INSL6: variants seen among roughly 807,000 people sequenced by gnomAD.
The protein encoded by INSL6 is insulin-like peptide INSL6.
In INSL6, 16 loss-of-function variants were observed where a neutral mutation model predicts 9.4. That is an observed-to-expected ratio of 1.70 (90% CI 1.15 to 2.59). The LOEUF (loss-of-function observed/expected upper bound fraction) is 2.59. INSL6 is among the 30% of genes most tolerant of loss of function. The probability of loss-of-function intolerance (pLI) is 0.00; values close to 1 mark genes in which losing one functional copy is unlikely to be tolerated. For missense variants in INSL6, 391 were observed against 257.3 expected, an observed-to-expected ratio of 1.52 and a Z score of -3.56; for synonymous variants, 154 against 96.9, an observed-to-expected ratio of 1.59 and a Z score of -3.46.
the INSL6 span, among the ~76,000 whole-genome samples, chr9:5,089,182 A>G: frequency 6.6e-6 from 1 of 152,202 alleles, no homozygotes; most frequent in East Asian, 1.9e-4. Context: ...TTACAGATTT[A>G]CTACCCACCT....
the INSL6 span, chr9:5,090,675 G>T: frequency 3.9e-6 from 6 of 1,539,276 alleles, no homozygotes; most frequent in Non-Finnish European, 5.2e-6. Context: ...AATATATAGG[G>T]TTAAGACCAT....
At chr9:5,118,916 T>C (rs2130837503), downstream of INSL6, among the ~76,000 whole-genome samples, 1 of 152,332 alleles carries the variant, frequency 6.6e-6, no homozygotes, top group African/African-American at 2.4e-5. Flanking sequence ...GGTTCATCTG[T>C]TTTCTCAATT....
chr9:5,175,070 G>C (rs1329880372), intron 1 of INSL6, among the ~76,000 whole-genome samples: 1 of 151,916 alleles, frequency 6.6e-6, no homozygotes, highest in Non-Finnish European at 1.5e-5. Context: ...CTCCCGAGTA[G>C]CTGGGACTAC....
chr9:5,135,000 G>C (rs1365355324), intron 2 of INSL6, among the ~76,000 whole-genome samples: 2 of 152,128 alleles, frequency 1.3e-5, no homozygotes, highest in African/African-American at 4.8e-5. Context: ...CATTTACCAA[G>C]CAAATGGAAA....
chr9:5,043,699 G>A, the INSL6 span, among the ~76,000 whole-genome samples: 1 of 152,184 alleles, frequency 6.6e-6, no homozygotes, highest in Non-Finnish European at 1.5e-5. Context: ...AAACCCAAAT[G>A]TCTGTCAGGC....
chr9:5,062,500 T>TA, the INSL6 span, among the ~76,000 whole-genome samples: 8,533 of 57,028 alleles, frequency 0.15, 1,620 homozygotes, highest in Non-Finnish European at 0.19. Flanking sequence ...CTTCCATTTG[T>TA]AAAAAAAAAA....
the INSL6 span, among the ~76,000 whole-genome samples, chr9:4,996,279 T>C: frequency 6.6e-6 from 1 of 152,146 alleles, no homozygotes; most frequent in African/African-American, 2.4e-5. Context: ...TGAAACCCTG[T>C]CTCTACTAAA....
chr9:5,036,510 T>C, the INSL6 span, among the ~76,000 whole-genome samples: 1 of 152,204 alleles, frequency 6.6e-6, no homozygotes. Flanking sequence ...AACAGCATGG[T>C]ACTGGTATCA....
chr9:5,119,117 C>T (rs1823424241), downstream of INSL6, among the ~76,000 whole-genome samples: 1 of 152,078 alleles, frequency 6.6e-6, no homozygotes. Flanking sequence ...TCTCAGCTAC[C>T]TCAAAGGTTG....
At chr9:5,076,367 ATTT>A in the INSL6 span, among the ~76,000 whole-genome samples, 1 of 152,150 alleles carries the variant, frequency 6.6e-6, no homozygotes, top group Non-Finnish European at 1.5e-5. Context: ...TTGTTGTCTT[ATTT>A]TAAGAAACTG....
chr9:5,058,883 G>T, the INSL6 span, among the ~76,000 whole-genome samples: 5 of 151,414 alleles, frequency 3.3e-5, no homozygotes, highest in African/African-American at 9.7e-5. Context: ...TTTTAATCAG[G>T]TTTTTTTTGC....
chr9:5,117,059 T>C, the INSL6 span, among the ~76,000 whole-genome samples: 1 of 152,206 alleles, frequency 6.6e-6, no homozygotes, highest in African/African-American at 2.4e-5. Context: ...GCCTTTCCAC[T>C]TTCATCCATG....
chr9:5,134,360 C>A (rs373551191), intron 2 of INSL6, among the ~76,000 whole-genome samples: 1 of 152,212 alleles, frequency 6.6e-6, no homozygotes, highest in African/African-American at 2.4e-5. Context: ...AGATACTCCT[C>A]GAGAAGAGCA....
chr9:5,141,445 AATG>A (rs746859648), intron 2 of INSL6, among the ~76,000 whole-genome samples: 50 of 152,136 alleles, frequency 3.3e-4, no homozygotes, highest in Non-Finnish European at 5.9e-5. Context: ...ACGTTTCTCT[AATG>A]ATCAGTGATG....
chr9:5,093,846 T>G, the INSL6 span, among the ~76,000 whole-genome samples: 1 of 152,162 alleles, frequency 6.6e-6, no homozygotes, highest in Non-Finnish European at 1.5e-5. Context: ...ATTCAATGAT[T>G]AAAGTCCTAT....
the INSL6 span, chr9:5,041,042 G>A: frequency 4.4e-6 from 3 of 680,468 alleles, no homozygotes; most frequent in Non-Finnish European, 8.0e-6. Context: ...TCTACAAGCA[G>A]CTCAGCGCCA....
At chr9:5,038,848 TA>T in the INSL6 span, among the ~76,000 whole-genome samples, 4 of 152,040 alleles carry the variant, frequency 2.6e-5, no homozygotes, top group Admixed American at 2.0e-4. Flanking sequence ...AAGGCTAGTG[TA>T]ACTTCCAAAA....
intron 3 of INSL6, chr9:5,132,722 C>G (rs1389249887): frequency 6.6e-6 from 1 of 152,068 alleles, no homozygotes; most frequent in Non-Finnish European, 1.5e-5. Flanking sequence ...TGATAAAGTC[C>G]TAAATCTTGT....
the INSL6 span, chr9:5,098,134 A>G: frequency 6.6e-6 from 1 of 152,340 alleles, no homozygotes; most frequent in South Asian, 2.1e-4. Context: ...CTAGTAATTT[A>G]GAGTGACTTT....
Sources: allele counts gnomAD v4.1 joint callset (sites outside exome capture counted in the v4.1 genomes callset), GRCh38; gene constraint gnomAD v4.1.1; transcripts MANE v1.5; gene names NCBI Gene and HGNC (gene_info 2026-07-23, HGNC 2026-07-21).